The following MID1 variants were observed in gnomAD, a reference collection of about 807,000 sequenced individuals.
MID1 encodes E3 ubiquitin-protein ligase Midline-1.
A neutral mutation model predicts 40.4 loss-of-function variants in MID1; 7 were observed. The ratio of observed to expected loss-of-function variants is 0.17; its 90% CI spans 0.10 to 0.33. The LOEUF (loss-of-function observed/expected upper bound fraction) is 0.33, where lower values mean the gene tolerates loss of function less well. MID1 is among the 10% of genes least tolerant of loss of function. The pLI is 1.00. For missense variants in MID1, 367 were observed against 558.5 expected, an observed-to-expected ratio of 0.66 and a Z score of 3.46; for synonymous variants, 229 against 221.2, an observed-to-expected ratio of 1.04 and a Z score of -0.31.
chrX:10,800,141 T>A (rs1325873463), intron 1 of MID1, among the ~76,000 whole-genome samples: 2 of 111,403 alleles, frequency 1.8e-5, no homozygotes, highest in East Asian at 5.6e-4. Context: ...GGAATTTATT[T>A]CCATAATTCA....
chrX:10,827,781 T>A (rs940875141), intron 1 of MID1, among the ~76,000 whole-genome samples: 40 of 111,009 alleles, frequency 3.6e-4, no homozygotes, highest in African/African-American at 1.3e-3. Flanking sequence ...GCTCTTTATT[T>A]AAAAATGCTG....
At chrX:10,557,969 C>T (rs1465574063) in intron 2 of MID1, among the ~76,000 whole-genome samples, 2 of 110,539 alleles carry the variant, frequency 1.8e-5, no homozygotes, top group Non-Finnish European at 1.9e-5. Flanking sequence ...AATGTCTCTT[C>T]CCCCTTTTAT....
chrX:10,587,523 G>C (rs1935167295), intron 1 of MID1, among the ~76,000 whole-genome samples: 1 of 112,507 alleles, frequency 8.9e-6, no homozygotes, highest in Admixed American at 9.3e-5. Context: ...GTAGAATCCT[G>C]GAAAAGAACT....
At chrX:10,734,780 T>C (rs996411322) in intron 1 of MID1, among the ~76,000 whole-genome samples, 5 of 112,001 alleles carry the variant, frequency 4.5e-5, no homozygotes, top group African/African-American at 1.6e-4. Context: ...TCTGGGGTTA[T>C]AACAATGTCC....
At chrX:10,492,751 C>T (rs1374602848) in intron 4 of MID1, among the ~76,000 whole-genome samples, 1 of 112,472 alleles carries the variant, frequency 8.9e-6, no homozygotes, top group Non-Finnish European at 1.9e-5. Flanking sequence ...TCCTCAGCCA[C>T]AGTCATGGCT....
chrX:10,824,298 C>A (rs1196294782), intron 1 of MID1, among the ~76,000 whole-genome samples: 1 of 112,028 alleles, frequency 8.9e-6, no homozygotes, highest in Non-Finnish European at 1.9e-5. Flanking sequence ...AAATTCTCAC[C>A]ATTTTTCATT....
Position 10,643,311 on chromosome X carries a change from T to C in MID1, c.-186-22892A>G, listed in dbSNP as rs746644505. Reference sequence around the variant, plus strand: ...AGAATCTACAAAGAACTTAAACAAATTTACAAGAAAAAATCAAACAGCCCC... The same window carrying C: ...AGAATCTACAAAGAACTTAAACAAACTTACAAGAAAAAATCAAACAGCCCC... On this transcript the variant is annotated intron_variant, in intron 1 of 10. Coordinates refer to the MID1 transcript ENST00000380785. 5.4e-5 allele frequency among the ~76,000 whole-genome samples: 6 copies of C among 111,338 alleles called. No homozygotes were observed. The East Asian group carries it at 1.4e-3, about 26-fold the overall frequency.
At chrX:10,780,191 C>T (rs187454603) in intron 1 of MID1, among the ~76,000 whole-genome samples, 1 of 111,206 alleles carries the variant, frequency 9.0e-6, no homozygotes, top group Admixed American at 9.6e-5. Flanking sequence ...GTCTCGATCT[C>T]CTGACCTCAG....
intron 9 of MID1, among the ~76,000 whole-genome samples, chrX:10,451,529 T>A (rs778331776): frequency 2.2e-4 from 24 of 111,196 alleles, no homozygotes; most frequent in Non-Finnish European, 4.1e-4. Context: ...GCATCGAGGG[T>A]CTCAAATGTC....
chrX:10,475,946 T>TA (rs1929983085), intron 5 of MID1, among the ~76,000 whole-genome samples: 1 of 111,636 alleles, frequency 9.0e-6, no homozygotes, highest in African/African-American at 3.3e-5. Flanking sequence ...TAATGGCTCT[T>TA]AAAGCTTTGG....
intron 1 of MID1, among the ~76,000 whole-genome samples, chrX:10,817,808 G>A (rs765127654): frequency 9.2e-6 from 1 of 109,128 alleles, no homozygotes. Flanking sequence ...TAGTAGAGAC[G>A]GGGTTTTGCC....
intron 1 of MID1, among the ~76,000 whole-genome samples, chrX:10,766,593 A>G (rs1023576087): frequency 7.1e-5 from 8 of 112,011 alleles, no homozygotes; most frequent in Non-Finnish European, 1.3e-4. Context: ...CAATAAGAAG[A>G]AAGCTGACTT....
At chrX:10,691,914 G>C (rs775091217) in intron 1 of MID1, among the ~76,000 whole-genome samples, 1 of 111,488 alleles carries the variant, frequency 9.0e-6, no homozygotes, top group East Asian at 2.8e-4. Context: ...ATGAATGGCC[G>C]CTCTGGGAGT....
chrX:10,795,592 T>G (rs2147141927), intron 1 of MID1, among the ~76,000 whole-genome samples: 1 of 112,613 alleles, frequency 8.9e-6, no homozygotes, highest in Admixed American at 9.4e-5. Context: ...TGGAGCAATC[T>G]TAAAACTGGT....
intron 1 of MID1, among the ~76,000 whole-genome samples, chrX:10,785,240 C>T (rs907265038): frequency 9.1e-6 from 1 of 110,160 alleles, no homozygotes; most frequent in African/African-American, 3.3e-5. Flanking sequence ...AATAAAATAC[C>T]TAGGAATCCA....
chrX:10,569,890 T>C (rs1029020704), intron 1 of MID1, among the ~76,000 whole-genome samples: 1 of 111,759 alleles, frequency 8.9e-6, no homozygotes, highest in Non-Finnish European at 1.9e-5. Context: ...ATCTCTATTA[T>C]CATGGGCCAA....
At chrX:10,801,380 T>C (rs1247499689) in intron 1 of MID1, among the ~76,000 whole-genome samples, 1 of 111,806 alleles carries the variant, frequency 8.9e-6, no homozygotes, top group East Asian at 2.8e-4. Flanking sequence ...TATAACTTTC[T>C]GTTCCAAGGT....
chrX:10,683,769 T>TG (rs2043074758), intron 1 of MID1, among the ~76,000 whole-genome samples: 1 of 83,727 alleles, frequency 1.2e-5, no homozygotes, highest in East Asian at 3.9e-4. Flanking sequence ...TTGCACGTCA[T>TG]CTTTTTTTTT....
At position 10,502,981 on chromosome X, in the gene MID1, G is replaced by A. The variant is rs749786200; in HGVS notation, c.757-7290C>T. 1.1e-4 allele frequency among the ~76,000 whole-genome samples: 12 copies of A among 111,943 alleles called. No individual in the cohort carries two copies. The East Asian group carries it at 2.3e-3, about 21-fold the overall frequency. ...TCACTCCAAAGGAAAAACATTGGAG[G>A]AGTTAATTCCAATTTGCCCAAGGCT... is the stretch of plus-strand genomic sequence containing the variant. On this transcript the variant is annotated intron_variant, in intron 3 of 9. Transcript: ENST00000317552.
Sources: gnomAD v4.1 joint callset for allele counts (sites outside exome capture counted in the v4.1 genomes callset) on GRCh38, gnomAD v4.1.1 for gene constraint, MANE v1.5 for transcripts, NCBI Gene and HGNC (gene_info 2026-07-23, HGNC 2026-07-21) for gene names.